Variants in GRK5 observed in about 807,000 individuals in gnomAD.
GRK5 encodes the protein g protein-coupled receptor kinase GRK5.
Under a neutral mutation model 78.4 loss-of-function variants are expected in GRK5, and 40 were observed. The ratio of observed to expected loss-of-function variants is 0.51; its 90% CI spans 0.40 to 0.66. The LOEUF (loss-of-function observed/expected upper bound fraction) is 0.66, where lower values mean the gene tolerates loss of function less well. GRK5 is among the 30% of genes least tolerant of loss of function. GRK5 has a pLI of 0.00. For synonymous variants in GRK5, 289 were observed against 296.8 expected (o/e 0.97, Z 0.27); for missense variants, 598 against 759.9 (o/e 0.79, Z 2.50).
chr10:119,385,228 A>G (rs1851775047), intron 3 of GRK5, among the ~76,000 whole-genome samples: 1 of 151,900 alleles, frequency 6.6e-6, no homozygotes, highest in Non-Finnish European at 1.5e-5. Context: ...TTTTTAGCAG[A>G]GCAGTGGCAT....
chr10:119,396,576 G>A, intron 3 of GRK5, 119 bp from the exon 4 acceptor site: 2 of 779,804 alleles, frequency 2.6e-6, no homozygotes, highest in Non-Finnish European at 4.3e-6. Flanking sequence ...CTGACCTGCA[G>A]GAGAAGGGGG....
intron 4 of GRK5, among the ~76,000 whole-genome samples, chr10:119,418,043 C>T (rs79574944): frequency 0.03 from 4,524 of 152,230 alleles, 69 homozygotes; most frequent in African/African-American, 0.035. Flanking sequence ...AGTGAGTCAT[C>T]GGGGGTCCCG....
At chr10:119,380,721 C>A in intron 2 of GRK5, 94 bp from the exon 3 acceptor site, 1 of 702,668 alleles carries the variant, frequency 1.4e-6, no homozygotes, top group Admixed American at 2.3e-5. Flanking sequence ...TTCCTCCATC[C>A]ATCTAGGGCT....
intron 2 of GRK5, among the ~76,000 whole-genome samples, chr10:119,353,617 G>A (rs1201427448): frequency 2.0e-5 from 3 of 152,164 alleles, no homozygotes; most frequent in East Asian, 1.9e-4. Flanking sequence ...GTTCAGCTGC[G>A]GCCTCTGGCA....
intron 1 of GRK5, among the ~76,000 whole-genome samples, chr10:119,236,214 AT>A (rs372204989): frequency 2.7e-5 from 4 of 149,020 alleles, no homozygotes; most frequent in South Asian, 2.1e-4. Flanking sequence ...CCTACACACT[AT>A]TTTTTTTTTC....
chr10:119,365,573 G>T (rs1034675503), intron 2 of GRK5, among the ~76,000 whole-genome samples: 1 of 152,170 alleles, frequency 6.6e-6, no homozygotes, highest in African/African-American at 2.4e-5. Context: ...TTTAATAAAG[G>T]ACCTCCCCAC....
chr10:119,325,982 G>A (rs765361935), intron 1 of GRK5, among the ~76,000 whole-genome samples: 20 of 152,234 alleles, frequency 1.3e-4, no homozygotes, highest in African/African-American at 2.2e-4. Context: ...CGGAGACTCT[G>A]GGGTTTGTGA....
At chr10:119,432,540 C>T (rs1289267015) in intron 8 of GRK5, among the ~76,000 whole-genome samples, 1 of 152,236 alleles carries the variant, frequency 6.6e-6, no homozygotes, top group African/African-American at 2.4e-5. Context: ...CGAAAAGCTT[C>T]CCTCTTTGAG....
At chr10:119,386,634 G>T (rs1024001502) in intron 3 of GRK5, among the ~76,000 whole-genome samples, 1 of 152,172 alleles carries the variant, frequency 6.6e-6, no homozygotes, top group Non-Finnish European at 1.5e-5. Context: ...GGGCCGACCC[G>T]CTCCCTTCTG....
chr10:119,398,401 C>T (rs1852092638), intron 4 of GRK5, among the ~76,000 whole-genome samples: 1 of 4,044 alleles, frequency 2.5e-4, no homozygotes, highest in South Asian at 0.016. Context: ...TGATGATTCG[C>T]GTATCCACGA....
At chr10:119,313,038 A>ATGGTGGTGGTAATGGTAGTGG (rs1564886990) in intron 1 of GRK5, among the ~76,000 whole-genome samples, 5 of 8,184 alleles carry the variant, frequency 6.1e-4, no homozygotes, top group Non-Finnish European at 1.1e-3. Context: ...GGCAGTGGTG[A>ATGGTGGTGGTAATGGTAGTGG]TGGTGGTGGT....
rs1026697632 is a variant in GRK5, at chr10:119,362,822, C to T, written c.149-17993C>T. Among the ~76,000 whole-genome samples, 6 of 152,312 alleles carry T rather than the reference C, an allele frequency of 3.9e-5. No homozygotes were observed. The South Asian group carries it at 6.2e-4, about 16-fold the overall frequency. ...AGCAACATCTGTATCTCCCAAGCCA[C>T]GGCAAAGGAGCATCTGAAACTCATC... is the stretch of plus-strand genomic sequence containing the variant. On this transcript the variant is annotated intron_variant, in intron 2 of 15. Coordinates refer to ENST00000392870, the MANE Select transcript of GRK5 (RefSeq NM_005308.3).
At chr10:119,375,465 C>A (rs1851609326) in intron 2 of GRK5, among the ~76,000 whole-genome samples, 1 of 152,324 alleles carries the variant, frequency 6.6e-6, no homozygotes, top group African/African-American at 2.4e-5. Flanking sequence ...ATGTCTTGCC[C>A]CCTCTGCCAC....
chr10:119,344,872 C>CCCCTCCTTCCTTCCTTCCTTCCTT (rs1252036925), intron 2 of GRK5, among the ~76,000 whole-genome samples: 1 of 73,662 alleles, frequency 1.4e-5, no homozygotes, highest in Non-Finnish European at 2.7e-5. Flanking sequence ...ACAAGACCCA[C>CCCCTCCTTCCTTCCTTCCTTCCTT]CCTTCCTTCC....
At position 119,341,899 on chromosome 10, in the gene GRK5, C is replaced by T. The variant is rs761466689; in HGVS notation, c.148+15288C>T. Among the ~76,000 whole-genome samples, 65 of 152,152 alleles carry T rather than the reference C, an allele frequency of 4.3e-4. 2 individuals are homozygous for T. The highest frequency in any genetic ancestry group is 3.1e-3 in the Admixed American group (47 of 15,284). ...TGTCGCATGTCAGTTCCGAAGTAGC[C>T]GCTTTTATCAGAAACGGTTTAGAGA... On this transcript the variant is annotated intron_variant, in intron 2 of 15. Coordinates refer to ENST00000392870, the MANE Select transcript of GRK5 (RefSeq NM_005308.3).
chr10:119,296,533 G>A (rs999642498), intron 1 of GRK5, among the ~76,000 whole-genome samples: 1 of 152,196 alleles, frequency 6.6e-6, no homozygotes, highest in Non-Finnish European at 1.5e-5. Context: ...GGGAGGGCAG[G>A]CAGGGGTGGC....
At chr10:119,212,840 C>G (rs1848510374) in intron 1 of GRK5, 1 of 152,286 alleles carries the variant, frequency 6.6e-6, no homozygotes, top group East Asian at 1.9e-4. Context: ...TTTCTCACAT[C>G]AAAATAGAAT....
rs548645370 is a variant in GRK5, at chr10:119,316,616, G to T, written c.53-9900G>T. ...GCAGAACCCAGTGCAGCGCTACACT[G>T]ACAATTACAGTTCTATTGTTGCAAA... On this transcript the variant is annotated intron_variant, in intron 1 of 15. Coordinates refer to ENST00000392870, the MANE Select transcript of GRK5 (RefSeq NM_005308.3). Among the ~76,000 whole-genome samples, 3 of 152,306 alleles carry T rather than the reference G, an allele frequency of 2.0e-5. No homozygotes were observed. The South Asian group carries it at 6.2e-4, about 32-fold the overall frequency.
Position 119,284,614 on chromosome 10 carries a change from AGG to A in GRK5, c.53-41899_53-41898del, listed in dbSNP as rs1483728880. On this transcript the variant is annotated intron_variant, in intron 1 of 15. Coordinates refer to ENST00000392870, the MANE Select transcript of GRK5 (RefSeq NM_005308.3). The stretch of plus-strand genomic sequence containing the variant: ...CAAGTGCTCCTCAGCTTCTGTGTCC[AGG>A]GGCTTTGGCGCAGAACAGGCTGCTG... Among the ~76,000 whole-genome samples the A allele has an allele frequency of 2.4e-4, 36 of 152,300 alleles. No homozygotes were observed. In the East Asian group the frequency reaches 6.9e-3, roughly 29 times the overall value.
Sources: allele counts gnomAD v4.1 joint callset (sites outside exome capture counted in the v4.1 genomes callset), GRCh38; gene constraint gnomAD v4.1.1; transcripts MANE v1.5; gene names NCBI Gene and HGNC (gene_info 2026-07-23, HGNC 2026-07-21).